Variants in OTUD3 observed in about 807,000 individuals in gnomAD.
OTUD3 encodes OTU domain-containing protein 3.
Under a neutral mutation model 46.2 loss-of-function variants are expected in OTUD3, and 24 were observed. The observed-to-expected ratio is 0.52, with a 90% CI of 0.38 to 0.73. OTUD3 has a LOEUF of 0.73. Ranked by LOEUF, OTUD3 falls within the 30% of genes least tolerant of loss-of-function variation. The probability of loss-of-function intolerance (pLI) is 0.00; values close to 1 mark genes in which losing one functional copy is unlikely to be tolerated. For missense variants in OTUD3, 455 were observed against 523.3 expected, an observed-to-expected ratio of 0.87 and a Z score of 1.27; for synonymous variants, 189 against 195.4, an observed-to-expected ratio of 0.97 and a Z score of 0.27.
At chr1:19,884,917 G>T (rs961577509) in intron 1 of OTUD3, among the ~76,000 whole-genome samples, 4 of 152,112 alleles carry the variant, frequency 2.6e-5, no homozygotes, top group African/African-American at 9.7e-5. Flanking sequence ...AGAAGGAAAA[G>T]GCTACTACTC....
At chr1:19,889,707 G>A (rs1484990029) in intron 1 of OTUD3, among the ~76,000 whole-genome samples, 1 of 152,178 alleles carries the variant, frequency 6.6e-6, no homozygotes, top group Non-Finnish European at 1.5e-5. Context: ...AAAATGTGGT[G>A]TTTAAAGTTT....
intron 3 of OTUD3, among the ~76,000 whole-genome samples, chr1:19,895,790 G>A (rs1477246823): frequency 6.6e-6 from 1 of 151,986 alleles, no homozygotes. Flanking sequence ...TCTATTTTTT[G>A]TCTTTAAACT....
At chr1:19,902,356 C>T (rs889416117) in intron 4 of OTUD3, among the ~76,000 whole-genome samples, 3 of 152,152 alleles carry the variant, frequency 2.0e-5, no homozygotes, top group Admixed American at 6.5e-5. Context: ...CAGGGACCCA[C>T]CGCCACGCCC....
At chr1:19,900,916 G>GTTTTTT (rs990933093) in intron 4 of OTUD3, among the ~76,000 whole-genome samples, 12 of 115,660 alleles carry the variant, frequency 1.0e-4, no homozygotes, top group Non-Finnish European at 2.0e-4. Context: ...TTTTTTTTTT[G>GTTTTTT]TTTTTTTTTT....
rs1571172988 is a variant in OTUD3, at chr1:19,897,459, C to T, written c.484-81C>T. 3.4e-6 allele frequency: 5 copies of T among 1,480,676 alleles called. No individual in the cohort carries two copies. In the East Asian group the frequency reaches 9.2e-5, roughly 27 times the overall value. The allele number at this position is 1,480,676 out of a possible 1,614,324, so 91.7% of individuals were successfully genotyped here. On this transcript the variant is annotated intron_variant, in intron 3 of 7. Coordinates refer to ENST00000375120, the MANE Select transcript of OTUD3 (RefSeq NM_015207.2). ...CATAGACCTGCTGACTGGGCTTCCTCAGCAGTCCAGGTGGGTGTTTCTCTC... is the reference window on the plus strand; with the variant it reads ...CATAGACCTGCTGACTGGGCTTCCTTAGCAGTCCAGGTGGGTGTTTCTCTC...
rs545489592 is a variant in OTUD3, at chr1:19,888,566, A to G, written c.222-1819A>G. Among the ~76,000 whole-genome samples, 5 of 152,330 alleles carry G rather than the reference A, an allele frequency of 3.3e-5. No homozygotes were observed. In the East Asian group the frequency reaches 5.8e-4, roughly 18 times the overall value. On this transcript the variant is annotated intron_variant, in intron 1 of 7. Coordinates refer to ENST00000375120, the MANE Select transcript of OTUD3 (RefSeq NM_015207.2). ...AATATTATTTTTAATTCTGCTGCCTAGGGGTAACTATGGCTATCATTTTGG... is the reference window on the plus strand; with the variant it reads ...AATATTATTTTTAATTCTGCTGCCTGGGGGTAACTATGGCTATCATTTTGG...
At chr1:19,892,397 CTG>C (rs1428237749) in intron 2 of OTUD3, among the ~76,000 whole-genome samples, 1 of 152,122 alleles carries the variant, frequency 6.6e-6, no homozygotes, top group African/African-American at 2.4e-5. Flanking sequence ...AGGGCAGGGA[CTG>C]TGTGTCTTTG....
At chr1:19,890,560 C>T in intron 2 of OTUD3, 27 bp downstream of exon 2, 1 of 1,608,048 alleles carries the variant, frequency 6.2e-7, no homozygotes, top group Non-Finnish European at 8.5e-7. Context: ...ACATTGTGTC[C>T]TTCAGGAGTA....
Position 19,882,573 on chromosome 1 carries a change from C to G in OTUD3, c.60C>G (p.Ala20=). Residue 20 remains alanine (A), a synonymous_variant, in exon 1 of 8, where the codon GCC becomes GCG. Coordinates refer to ENST00000375120, the MANE Select transcript of OTUD3 (RefSeq NM_015207.2). ...GCAGCGGCAGCCGGAAAGCCGAGGC[C>G]GAGCGCAAGCGGGACGAGCGGGCGG... ...RPGSGSRKAE[A]ERKRDERAAR... 7.2e-7 allele frequency: 1 copy of G among 1,392,238 alleles called. No individual in the cohort carries two copies. Among genetic ancestry groups the G allele is most frequent in the Non-Finnish European group, 9.3e-7 (1 of 1,079,634 alleles). The allele number at this position is 1,392,238 out of a possible 1,614,324, so 86.2% of individuals were successfully genotyped here.
chr1:19,885,135 C>G (rs748977787), intron 1 of OTUD3, among the ~76,000 whole-genome samples: 1 of 152,120 alleles, frequency 6.6e-6, no homozygotes, highest in African/African-American at 2.4e-5. Flanking sequence ...TTTAGGGTGA[C>G]GGGTAGTGTA....
In OTUD3 at chr1:19,882,450, T is replaced by C. The variant is rs2045279823; in HGVS notation, c.-64T>C. On this transcript the variant is annotated 5_prime_UTR_variant, in exon 1 of 8. Coordinates refer to ENST00000375120, the MANE Select transcript of OTUD3 (RefSeq NM_015207.2). ...CGCGCTGTTTTACCTTCCCAACGCT[T>C]GAGGCGGACGCTGGGGGGTCCTGCG... The C allele has an allele frequency of 2.3e-6, 3 of 1,319,496 alleles. No individual in the cohort carries two copies. In the Admixed American group the frequency reaches 1.2e-4, roughly 53 times the overall value. 81.7% of individuals were successfully genotyped at this position (1,319,496 alleles called of 1,614,324 possible).
chr1:19,883,018 T>C (rs1166392703), intron 1 of OTUD3, among the ~76,000 whole-genome samples: 2 of 152,180 alleles, frequency 1.3e-5, no homozygotes, highest in Non-Finnish European at 2.9e-5. Context: ...GGCCACTGGA[T>C]TGTGGCCAGG....
intron 4 of OTUD3, among the ~76,000 whole-genome samples, chr1:19,901,591 T>C (rs1375784244): frequency 6.6e-6 from 1 of 152,180 alleles, no homozygotes; most frequent in Non-Finnish European, 1.5e-5. Flanking sequence ...ATCTGCAGTG[T>C]TTGTTGTACA....
In OTUD3 at chr1:19,882,626, G is replaced by C. The variant is rs1271485706; in HGVS notation, c.113G>C (p.Arg38Pro). The change falls in exon 1 of 8, where the codon CGG becomes CCG. Residue 38 changes from arginine (R) to proline (P), a missense_variant. Arg to Pro is a moderately radical substitution (Grantham distance 103, BLOSUM62 -2). Coordinates refer to ENST00000375120, the MANE Select transcript of OTUD3 (RefSeq NM_015207.2). Reference sequence around the variant, plus strand: ...CGCCGGGCCCTGGCCAAGGAGCGGCGGAATCGGCCGGAGTCTGGCGGCGGC... The same window carrying C: ...CGCCGGGCCCTGGCCAAGGAGCGGCCGAATCGGCCGGAGTCTGGCGGCGGC... ...AARRALAKER[R>P]NRPESGGGGG... 1 of 1,459,636 alleles carries C rather than the reference G, an allele frequency of 6.9e-7. No homozygotes were observed. The highest frequency in any genetic ancestry group is 2.5e-5 in the Admixed American group (1 of 39,700). The allele number at this position is 1,459,636 out of a possible 1,614,324, so 90.4% of individuals were successfully genotyped here.
intron 2 of OTUD3, among the ~76,000 whole-genome samples, chr1:19,892,009 T>G (rs968848956): frequency 2.6e-5 from 4 of 152,032 alleles, no homozygotes; most frequent in African/African-American, 9.7e-5. Context: ...ATGAAACGGG[T>G]TTTTAGTTTG....
At chr1:19,894,508 T>A in intron 3 of OTUD3, 28 bp downstream of exon 3, 1 of 1,304,264 alleles carries the variant, frequency 7.7e-7, no homozygotes, top group Non-Finnish European at 1.1e-6. Flanking sequence ...ACATTTATCT[T>A]AAGCTCTTAT....
intron 4 of OTUD3, among the ~76,000 whole-genome samples, chr1:19,898,707 A>G (rs2045548875): frequency 6.6e-6 from 1 of 151,966 alleles, no homozygotes; most frequent in South Asian, 2.1e-4. Context: ...CAGCCTGGGC[A>G]ACAAGAGCAA....
Position 19,910,822 on chromosome 1 carries a change from G to A in OTUD3, c.*3076G>A, listed in dbSNP as rs2045724462. ...TTCAGTGTGAAATGATGTGATTGTC[G>A]GGGGTGGGGTGGGAGGAGGGCCACC... On this transcript the variant is annotated 3_prime_UTR_variant, in exon 8 of 8. Transcript: ENST00000375120. 1 of 152,354 alleles carries A rather than the reference G, an allele frequency of 6.6e-6. No homozygotes were observed. Among genetic ancestry groups the A allele is most frequent in the Non-Finnish European group, 1.5e-5 (1 of 68,096 alleles). The allele number at this position is 152,354 out of a possible 1,614,324, so 9.4% of individuals were successfully genotyped here. A position where few individuals can be genotyped will look rare whatever the true frequency, so the allele number is the denominator to read the frequency against.
intron 4 of OTUD3, among the ~76,000 whole-genome samples, chr1:19,898,241 C>G (rs771034547): frequency 2.0e-4 from 30 of 151,838 alleles, no homozygotes; most frequent in Admixed American, 1.3e-3. Flanking sequence ...AGCCACCGCA[C>G]CTGGCCTAAC....
Sources: gnomAD v4.1 joint callset for allele counts (sites outside exome capture counted in the v4.1 genomes callset) on GRCh38, gnomAD v4.1.1 for gene constraint, MANE v1.5 for transcripts, NCBI Gene and HGNC (gene_info 2026-07-23, HGNC 2026-07-21) for gene names.